The following LCA5 variants were observed in gnomAD, a reference collection of about 807,000 sequenced individuals.
The protein encoded by LCA5 is lebercilin LCA5.
A neutral mutation model predicts 53.0 loss-of-function variants in LCA5; 37 were observed. The observed-to-expected ratio is 0.70, with a 90% confidence interval of 0.54 to 0.92. The LOEUF (loss-of-function observed/expected upper bound fraction) is 0.92, where lower values mean the gene tolerates loss of function less well. Among genes scored for constraint, LCA5 ranks in the 40% least tolerant of loss-of-function variants. The pLI, the probability that LCA5 is intolerant of heterozygous loss-of-function variation, is 0.00. For missense variants in LCA5, 806 were observed against 790.5 expected, an observed-to-expected ratio of 1.02 and a Z score of -0.23; for synonymous variants, 303 against 282.9, an observed-to-expected ratio of 1.07 and a Z score of -0.71.
At chr6:79,512,349 A>C (rs1766244100) in intron 3 of LCA5, among the ~76,000 whole-genome samples, 1 of 152,100 alleles carries the variant, frequency 6.6e-6, no homozygotes, top group South Asian at 2.1e-4. Flanking sequence ...TTTTCTGGCC[A>C]CTGATGTACG....
chr6:79,504,674 T>C (rs1315715187), intron 3 of LCA5, among the ~76,000 whole-genome samples: 53 of 152,270 alleles, frequency 3.5e-4, no homozygotes. Flanking sequence ...ACTTAAAATA[T>C]GAAAGAAGGC....
At chr6:79,514,640 A>G (rs907475091) in intron 2 of LCA5, among the ~76,000 whole-genome samples, 2 of 152,236 alleles carry the variant, frequency 1.3e-5, no homozygotes, top group Admixed American at 6.5e-5. Flanking sequence ...GACTGGATAA[A>G]GAAAATGTGG....
In LCA5 at chr6:79,487,472, A is replaced by C. The variant is rs1769700562; in HGVS notation, c.1626T>G (p.Val542=). 3 of 1,614,030 alleles carry C rather than the reference A, an allele frequency of 1.9e-6. No homozygotes were observed. The change falls in exon 8 of 8, where the codon GTT becomes GTG. Residue 542 remains valine, a synonymous_variant. Coordinates refer to ENST00000369846, the MANE Select transcript of LCA5 (RefSeq NM_001122769.3). ...PKGEGQNSGN[V]RSPASPNEFA... ...ACTCATTAGGGGAGGCTGGACTTCT[A>C]ACATTTCCTGAATTCTGACCTTCTC...
chr6:79,506,088 T>C (rs1285623541), intron 3 of LCA5, among the ~76,000 whole-genome samples: 1 of 152,142 alleles, frequency 6.6e-6, no homozygotes, highest in Non-Finnish European at 1.5e-5. Context: ...TAGTAAAATC[T>C]ACTGAAAGAA....
At chr6:79,527,497 C>A (rs139337622) in intron 1 of LCA5, among the ~76,000 whole-genome samples, 2 of 152,280 alleles carry the variant, frequency 1.3e-5, no homozygotes, top group African/African-American at 4.8e-5. Context: ...TTTGAAAAAT[C>A]AGAGACAGCT....
chr6:79,525,477 C>A lies in LCA5; in HGVS notation c.-191-6392G>T, dbSNP rs1766757228. On this transcript the variant is annotated intron_variant, in intron 1 of 7. Transcript: ENST00000369846. ...GCCATCTGGCAGAGGCAACACCCTC[C>A]TAGGCAAAAAGTCTTGCCAGCCAAA... 1.3e-5 allele frequency among the ~76,000 whole-genome samples: 2 copies of A among 152,274 alleles called. 1 individual carries two copies. The highest frequency in any genetic ancestry group is 4.1e-4 in the South Asian group (2 of 4,828).
At chr6:79,537,002 C>T (rs188913118) in intron 1 of LCA5, 163 bp downstream of exon 1, 1 of 152,710 alleles carries the variant, frequency 6.5e-6, no homozygotes, top group Admixed American at 6.5e-5. Context: ...CTCGCGGTCC[C>T]TACATCCTCC....
At position 79,486,907 on chromosome 6, in the gene LCA5, A is replaced by G; in HGVS notation, c.*97T>C. ...AGCTATTAAAAATCATTCCTTAATA[A>G]GGACATTTTAGCATTAAAAAGTCTA... On this transcript the variant is annotated 3_prime_UTR_variant, in exon 8 of 8. Transcript: ENST00000369846. 1 of 996,048 alleles carries G rather than the reference A, an allele frequency of 1.0e-6. No homozygotes were observed. The allele number at this position is 996,048 out of a possible 1,614,324, so 61.7% of individuals were successfully genotyped here.
chr6:79,514,835 G>C (rs1416854301), intron 2 of LCA5, among the ~76,000 whole-genome samples: 1 of 151,998 alleles, frequency 6.6e-6, no homozygotes. Flanking sequence ...ATACAGAGGG[G>C]AACAAAACAC....
chr6:79,517,556 GGAGA>G (rs1172895534), intron 2 of LCA5, among the ~76,000 whole-genome samples: 1 of 151,760 alleles, frequency 6.6e-6, no homozygotes, highest in African/African-American at 2.4e-5. Context: ...AGACAGATTT[GGAGA>G]AAGAGACCAA....
In LCA5 at chr6:79,533,800, G is replaced by GA. The variant is rs923892944; in HGVS notation, c.-192+3364dup. 6.2e-4 allele frequency among the ~76,000 whole-genome samples: 94 copies of GA among 151,226 alleles called. 1 individual carries two copies. Among genetic ancestry groups the GA allele is most frequent in the Middle Eastern group, 3.4e-3 (1 of 290 alleles). On this transcript the variant is annotated intron_variant, in intron 1 of 7. Transcript: ENST00000369846. ...CTCTAAGAAACCATCTTAGTTTTAA[G>GA]AAAAAAAACTGTAAAATCAACAAAC...
chr6:79,493,875 T>C lies in LCA5; in HGVS notation c.721-125A>G, dbSNP rs950370774. On this transcript the variant is annotated intron_variant, in intron 3 of 7. Coordinates refer to ENST00000369846, the MANE Select transcript of LCA5 (RefSeq NM_001122769.3). ...CAAGACCTACAAATCAGACTGGGCA[T>C]AGTATTCATGTACATAAGCTGGGAA... 13 of 685,044 alleles carry C rather than the reference T, an allele frequency of 1.9e-5. No homozygotes were observed. The Admixed American group carries it at 2.0e-4, about 11-fold the overall frequency. The allele number at this position is 685,044 out of a possible 1,614,324, so 42.4% of individuals were successfully genotyped here. A position where few individuals can be genotyped will look rare whatever the true frequency, so the allele number is the denominator to read the frequency against.
chr6:79,488,765 T>G (rs1001058239), intron 7 of LCA5: 26 of 427,200 alleles, frequency 6.1e-5, no homozygotes, highest in Non-Finnish European at 8.9e-5. Flanking sequence ...AATTTTAAAA[T>G]ATGTAAGAAC....
intron 1 of LCA5, among the ~76,000 whole-genome samples, chr6:79,530,003 G>A (rs1766910627): frequency 6.6e-6 from 1 of 151,478 alleles, no homozygotes; most frequent in Non-Finnish European, 1.5e-5. Flanking sequence ...TATACCTAAT[G>A]TAAATGACGA....
intron 1 of LCA5, among the ~76,000 whole-genome samples, chr6:79,536,938 C>T (rs1767153974): frequency 1.3e-5 from 2 of 152,184 alleles, no homozygotes; most frequent in Admixed American, 1.3e-4. Flanking sequence ...CTCCCTTCCT[C>T]GGGACCCTCT....
chr6:79,522,838 G>A (rs928893430), intron 1 of LCA5, among the ~76,000 whole-genome samples: 4 of 151,304 alleles, frequency 2.6e-5, no homozygotes, highest in African/African-American at 7.3e-5. Flanking sequence ...GCGCCACCAC[G>A]CCCAGCCCTG....
At chr6:79,531,053 C>A (rs1766944430) in intron 1 of LCA5, among the ~76,000 whole-genome samples, 1 of 152,014 alleles carries the variant, frequency 6.6e-6, no homozygotes, top group Non-Finnish European at 1.5e-5. Flanking sequence ...GAAACTGAGG[C>A]CCAAACTTAC....
In LCA5 at chr6:79,527,787, A is replaced by G. The variant is rs984253422; in HGVS notation, c.-191-8702T>C. ...AAGAACCAAAGGAAGCGTCTTGGGT[A>G]TATGGGTTAAGAGCAGACATCACAG... On this transcript the variant is annotated intron_variant, in intron 1 of 7. Coordinates refer to ENST00000369846, the MANE Select transcript of LCA5 (RefSeq NM_001122769.3). Among the ~76,000 whole-genome samples, 15 of 152,324 alleles carry G rather than the reference A, an allele frequency of 9.8e-5. No individual in the cohort carries two copies. The East Asian group carries it at 2.1e-3, about 22-fold the overall frequency.
At chr6:79,512,348 C>T (rs574655129) in intron 3 of LCA5, among the ~76,000 whole-genome samples, 1 of 152,016 alleles carries the variant, frequency 6.6e-6, no homozygotes, top group African/African-American at 2.4e-5. Flanking sequence ...TTTTTCTGGC[C>T]ACTGATGTAC....
Sources: allele counts gnomAD v4.1 joint callset (sites outside exome capture counted in the v4.1 genomes callset), GRCh38; gene constraint gnomAD v4.1.1; transcripts MANE v1.5; gene names NCBI Gene and HGNC (gene_info 2026-07-23, HGNC 2026-07-21).